PTPRT: variants seen among roughly 807,000 people sequenced by gnomAD.
PTPRT encodes receptor-type tyrosine-protein phosphatase T.
PTPRT carries 56 observed loss-of-function variants against 176.8 expected under a neutral mutation model. The ratio of observed to expected loss-of-function variants is 0.32; its 90% CI spans 0.26 to 0.40. The LOEUF (loss-of-function observed/expected upper bound fraction) is 0.40, where lower values mean the gene tolerates loss of function less well. PTPRT is among the 10% of genes least tolerant of loss of function. PTPRT has a pLI of 1.00. For synonymous variants in PTPRT, 783 were observed against 739.0 expected, an observed-to-expected ratio of 1.06 and a Z score of -0.96; for missense variants, 1,540 against 1,908.2, an observed-to-expected ratio of 0.81 and a Z score of 3.60.
chr20:43,024,289 A>G, intron 1 of PTPRT, among the ~76,000 whole-genome samples: 1 of 152,188 alleles, frequency 6.6e-6, no homozygotes, highest in East Asian at 1.9e-4. Flanking sequence ...AAACCAAGGC[A>G]GAATTAGAAT....
chr20:42,765,473 T>C (rs1467214547), intron 5 of PTPRT, among the ~76,000 whole-genome samples: 1 of 152,206 alleles, frequency 6.6e-6, no homozygotes, highest in African/African-American at 2.4e-5. Flanking sequence ...CTTCGTATAC[T>C]AGGAGTATTC....
chr20:42,317,110 G>A (rs1600826226), intron 11 of PTPRT, among the ~76,000 whole-genome samples: 1 of 151,804 alleles, frequency 6.6e-6, no homozygotes, highest in East Asian at 1.9e-4. Context: ...AAATTGGATT[G>A]AATTAAAATT....
At chr20:42,183,180 C>T (rs989054507) in intron 16 of PTPRT, among the ~76,000 whole-genome samples, 2 of 152,010 alleles carry the variant, frequency 1.3e-5, no homozygotes, top group Non-Finnish European at 2.9e-5. Context: ...TATTCGAGAC[C>T]CCAGTTCCTG....
intron 9 of PTPRT, among the ~76,000 whole-genome samples, chr20:42,362,768 C>A (rs1322581465): frequency 6.6e-6 from 1 of 152,008 alleles, no homozygotes; most frequent in Admixed American, 6.6e-5. Flanking sequence ...ATAGAAACTC[C>A]ATACTAATCT....
rs1285558479 is a variant in PTPRT, at chr20:42,287,869, G to GA, written c.2140-5345dup. Among the ~76,000 whole-genome samples the GA allele has an allele frequency of 2.0e-5, 3 of 151,650 alleles. No individual in the cohort carries two copies. The South Asian group carries it at 6.2e-4, about 32-fold the overall frequency. On this transcript the variant is annotated intron_variant, in intron 12 of 30. Transcript: ENST00000373187. ...TTAGTATACGTTAAAAACATAAAAAGAAAAAATTCCAAAAGGAAAACTGGG... is the reference window on the plus strand; with the variant it reads ...TTAGTATACGTTAAAAACATAAAAAGAAAAAAATTCCAAAAGGAAAACTGGG...
At chr20:42,265,564 G>C (rs2056825550) in intron 13 of PTPRT, among the ~76,000 whole-genome samples, 1 of 152,024 alleles carries the variant, frequency 6.6e-6, no homozygotes, top group Non-Finnish European at 1.5e-5. Context: ...TCTCCTGACA[G>C]GCTGTGCCCC....
At chr20:43,139,359 T>C (rs567392742) in intron 1 of PTPRT, among the ~76,000 whole-genome samples, 2 of 152,324 alleles carry the variant, frequency 1.3e-5, no homozygotes, top group Non-Finnish European at 2.9e-5. Flanking sequence ...CTCTGTGGCT[T>C]CTTGGTCAGT....
At chr20:42,491,618 G>A (rs780502151) in intron 7 of PTPRT, among the ~76,000 whole-genome samples, 19 of 152,260 alleles carry the variant, frequency 1.2e-4, no homozygotes, top group African/African-American at 3.6e-4. Context: ...AGGACACAGC[G>A]TTTGTCCACC....
chr20:42,639,433 T>C (rs755225515), intron 7 of PTPRT, among the ~76,000 whole-genome samples: 4 of 152,120 alleles, frequency 2.6e-5, no homozygotes, highest in Non-Finnish European at 5.9e-5. Flanking sequence ...TCCACTGCCT[T>C]TGCATGCAGC....
chr20:42,256,139 G>C (rs889252925), intron 13 of PTPRT, among the ~76,000 whole-genome samples: 2 of 152,152 alleles, frequency 1.3e-5, no homozygotes, highest in African/African-American at 2.4e-5. Context: ...TGATTATGGG[G>C]GTTTTGCCAA....
chr20:42,702,702 T>C (rs1196544936), intron 6 of PTPRT, among the ~76,000 whole-genome samples: 1 of 152,158 alleles, frequency 6.6e-6, no homozygotes, highest in Non-Finnish European at 1.5e-5. Context: ...AGAACACTGT[T>C]CTATCACCAT....
intron 27 of PTPRT, among the ~76,000 whole-genome samples, chr20:42,088,141 G>A (rs1232190596): frequency 6.6e-6 from 1 of 152,074 alleles, no homozygotes; most frequent in Non-Finnish European, 1.5e-5. Context: ...GCTCGCTGGG[G>A]ACCACCCCAA....
chr20:43,017,730 T>A (rs1300961097), intron 1 of PTPRT, among the ~76,000 whole-genome samples: 1 of 152,200 alleles, frequency 6.6e-6, no homozygotes, highest in African/African-American at 2.4e-5. Flanking sequence ...ATCTGCACCA[T>A]CTGCCAGAGC....
intron 4 of PTPRT, among the ~76,000 whole-genome samples, chr20:42,779,312 A>T (rs1242230431): frequency 6.6e-6 from 1 of 152,228 alleles, no homozygotes; most frequent in Non-Finnish European, 1.5e-5. Context: ...ACTGCACCAT[A>T]GCCCAAAGCA....
At chr20:42,721,123 G>T (rs545692674) in intron 6 of PTPRT, among the ~76,000 whole-genome samples, 46 of 152,320 alleles carry the variant, frequency 3.0e-4, no homozygotes, top group African/African-American at 1.0e-3. Context: ...ACAAAAAGCA[G>T]GGAGTTTGCA....
intron 17 of PTPRT, among the ~76,000 whole-genome samples, chr20:42,154,688 G>A (rs1989274401): frequency 6.6e-6 from 1 of 152,166 alleles, no homozygotes; most frequent in Non-Finnish European, 1.5e-5. Flanking sequence ...CCATCACAAA[G>A]TCACCTCTTC....
intron 7 of PTPRT, among the ~76,000 whole-genome samples, chr20:42,605,005 T>C (rs2073849156): frequency 6.6e-6 from 1 of 152,044 alleles, no homozygotes; most frequent in Admixed American, 6.5e-5. Context: ...GCTGTGAGAC[T>C]CCAAGGTCAA....
chr20:42,934,980 G>A (rs943009738), intron 1 of PTPRT, among the ~76,000 whole-genome samples: 1 of 151,038 alleles, frequency 6.6e-6, no homozygotes, highest in African/African-American at 2.4e-5. Context: ...AGGAGGCTGA[G>A]GCAAGAGAAT....
intron 6 of PTPRT, among the ~76,000 whole-genome samples, chr20:42,704,295 C>T (rs1175188880): frequency 1.3e-5 from 2 of 151,966 alleles, no homozygotes; most frequent in Non-Finnish European, 2.9e-5. Context: ...AAGCCCAAAT[C>T]CCTTAACACT....
Sources: allele counts gnomAD v4.1 joint callset (sites outside exome capture counted in the v4.1 genomes callset), GRCh38; gene constraint gnomAD v4.1.1; transcripts MANE v1.5; gene names NCBI Gene and HGNC (gene_info 2026-07-23, HGNC 2026-07-21).